SH3RF3: variants seen among roughly 807,000 people sequenced by gnomAD.
SH3RF3 encodes E3 ubiquitin-protein ligase SH3RF3.
SH3RF3 carries 29 observed loss-of-function variants against 66.3 expected under a neutral mutation model. That is an observed-to-expected ratio of 0.44 (90% CI 0.33 to 0.60). The LOEUF (loss-of-function observed/expected upper bound fraction) is 0.60, where lower values mean the gene tolerates loss of function less well. Among genes scored for constraint, SH3RF3 ranks in the 20% least tolerant of loss-of-function variants. SH3RF3 has a pLI of 0.04. For synonymous variants in SH3RF3, 583 were observed against 532.0 expected (o/e 1.10, Z -1.32); for missense variants, 1,194 against 1,190.9 (o/e 1.00, Z -0.04).
At chr2:109,157,450 C>T (rs530512112) in intron 1 of SH3RF3, among the ~76,000 whole-genome samples, 1 of 152,162 alleles carries the variant, frequency 6.6e-6, no homozygotes, top group African/African-American at 2.4e-5. Context: ...CATTTTCAAT[C>T]TGTAAAAATA....
At chr2:109,446,886 C>T (rs1367530288) in intron 7 of SH3RF3, among the ~76,000 whole-genome samples, 4 of 152,158 alleles carry the variant, frequency 2.6e-5, no homozygotes, top group East Asian at 3.9e-4. Context: ...GTCCCAACGC[C>T]GAGGGCCACA....
chr2:109,170,589 A>T (rs554946870), intron 1 of SH3RF3, among the ~76,000 whole-genome samples: 13 of 152,002 alleles, frequency 8.6e-5, no homozygotes, highest in Non-Finnish European at 1.8e-4. Context: ...CAACCTCGTG[A>T]TCCACCCGCC....
chr2:109,349,168 A>AC (rs11463241), intron 2 of SH3RF3, among the ~76,000 whole-genome samples: 106,840 of 152,054 alleles, frequency 0.7, 39,026 homozygotes, highest in African/African-American at 0.9. Context: ...GCAGAGCTCG[A>AC]GGTGGCACTC....
At position 109,414,380 on chromosome 2, in the gene SH3RF3, A is replaced by G. The variant is rs115141933; in HGVS notation, c.1300-5159A>G. On this transcript the variant is annotated intron_variant, in intron 4 of 9. Transcript: ENST00000309415. ...CTCTGTCCTCCACTGCTTGATTTCTATAGTCTTGGGAGCTATTGATTCAGG... is the reference window on the plus strand; with the variant it reads ...CTCTGTCCTCCACTGCTTGATTTCTGTAGTCTTGGGAGCTATTGATTCAGG... Among the ~76,000 whole-genome samples the G allele has an allele frequency of 5.9e-3, 896 of 152,054 alleles. 8 individuals carry two copies. Among genetic ancestry groups the G allele is most frequent in the African/African-American group, 0.02 (846 of 41,444 alleles).
chr2:109,247,830 A>G (rs1679953112), intron 1 of SH3RF3, among the ~76,000 whole-genome samples: 1 of 152,188 alleles, frequency 6.6e-6, no homozygotes, highest in Admixed American at 6.5e-5. Flanking sequence ...GGCAGCAAGG[A>G]TGGCCTGGGT....
intron 5 of SH3RF3, among the ~76,000 whole-genome samples, chr2:109,431,681 G>A (rs1426982957): frequency 1.3e-5 from 2 of 152,172 alleles, no homozygotes; most frequent in Non-Finnish European, 1.5e-5. Context: ...AGACCAGTCT[G>A]GGCAACATAG....
At chr2:109,409,496 T>C (rs1000650360) in intron 4 of SH3RF3, among the ~76,000 whole-genome samples, 1 of 152,122 alleles carries the variant, frequency 6.6e-6, no homozygotes, top group Non-Finnish European at 1.5e-5. Context: ...GAATTAAATA[T>C]CCAGCAGCAA....
intron 1 of SH3RF3, among the ~76,000 whole-genome samples, chr2:109,157,020 A>G (rs1417262878): frequency 6.6e-6 from 1 of 152,210 alleles, no homozygotes; most frequent in Non-Finnish European, 1.5e-5. Context: ...ACTCCAGGTC[A>G]TTTTTCCATC....
chr2:109,481,880 C>T (rs913343944), intron 8 of SH3RF3, among the ~76,000 whole-genome samples: 2 of 152,126 alleles, frequency 1.3e-5, no homozygotes, highest in African/African-American at 4.8e-5. Flanking sequence ...GGCCAAGTCA[C>T]TGTTTTATCA....
At chr2:109,210,694 G>A (rs964717772) in intron 1 of SH3RF3, among the ~76,000 whole-genome samples, 1 of 152,194 alleles carries the variant, frequency 6.6e-6, no homozygotes, top group Non-Finnish European at 1.5e-5. Context: ...GCCCAGGAAG[G>A]AGGTTGGGTT....
At chr2:109,338,432 C>CTTT (rs538854924) in intron 1 of SH3RF3, among the ~76,000 whole-genome samples, 4 of 145,894 alleles carry the variant, frequency 2.7e-5, no homozygotes, top group Admixed American at 1.4e-4. Context: ...CTTAGGGAAA[C>CTTT]TTTTTTTTTT....
chr2:109,295,457 G>A (rs1203815970), intron 1 of SH3RF3, among the ~76,000 whole-genome samples: 1 of 152,250 alleles, frequency 6.6e-6, no homozygotes, highest in Non-Finnish European at 1.5e-5. Flanking sequence ...GCAGGGCAGG[G>A]AGAGGACCCT....
intron 1 of SH3RF3, among the ~76,000 whole-genome samples, chr2:109,325,873 A>T (rs1211738982): frequency 6.6e-6 from 1 of 152,254 alleles, no homozygotes; most frequent in East Asian, 1.9e-4. Flanking sequence ...CCTGGGAAAA[A>T]GTTCAGAGAG....
intron 2 of SH3RF3, among the ~76,000 whole-genome samples, chr2:109,354,265 C>T (rs148057926): frequency 0.011 from 1,628 of 152,300 alleles, 30 homozygotes; most frequent in African/African-American, 0.036. Flanking sequence ...TGGGTCACTG[C>T]GGTGGAGCAG....
chr2:109,448,172 G>T (rs1334355760), intron 7 of SH3RF3, among the ~76,000 whole-genome samples: 1 of 152,258 alleles, frequency 6.6e-6, no homozygotes. Flanking sequence ...CTTGCATGCA[G>T]TGGTGCTTAA....
At chr2:109,332,267 C>T (rs1406840228) in intron 1 of SH3RF3, among the ~76,000 whole-genome samples, 1 of 152,148 alleles carries the variant, frequency 6.6e-6, no homozygotes, top group Non-Finnish European at 1.5e-5. Flanking sequence ...GCTGATCCGT[C>T]TGTTTCCCTC....
At chr2:109,399,260 C>G (rs1298478781) in intron 4 of SH3RF3, among the ~76,000 whole-genome samples, 1 of 152,190 alleles carries the variant, frequency 6.6e-6, no homozygotes, top group Non-Finnish European at 1.5e-5. Context: ...TTCCAGATGT[C>G]TGATTATGTC....
intron 2 of SH3RF3, among the ~76,000 whole-genome samples, chr2:109,364,171 T>C (rs1370572585): frequency 6.6e-6 from 1 of 151,650 alleles, no homozygotes; most frequent in Non-Finnish European, 1.5e-5. Context: ...TTTTTTTTTT[T>C]CTAATTTTTT....
At chr2:109,277,373 T>G (rs962232899) in intron 1 of SH3RF3, among the ~76,000 whole-genome samples, 1 of 152,216 alleles carries the variant, frequency 6.6e-6, no homozygotes, top group African/African-American at 2.4e-5. Context: ...CTGCTCTTTA[T>G]GTGACCCCGG....
Sources: gnomAD v4.1 joint callset for allele counts (sites outside exome capture counted in the v4.1 genomes callset) on GRCh38, gnomAD v4.1.1 for gene constraint, MANE v1.5 for transcripts, NCBI Gene and HGNC (gene_info 2026-07-23, HGNC 2026-07-21) for gene names.